AMPH: variants seen among roughly 807,000 people sequenced by gnomAD.
AMPH encodes the protein amphiphysin (Stiff-Mann syndrome with breast cancer 128kD autoantigen).
A neutral mutation model predicts 99.1 loss-of-function variants in AMPH; 49 were observed. The ratio of observed to expected loss-of-function variants is 0.49; its 90% CI spans 0.39 to 0.63. AMPH has a LOEUF of 0.63. Ranked by LOEUF, AMPH falls within the 20% of genes least tolerant of loss-of-function variation. AMPH has a pLI of 0.00. For missense variants in AMPH, 759 were observed against 863.4 expected (o/e 0.88, Z 1.52); for synonymous variants, 314 against 317.3 (o/e 0.99, Z 0.11).
intron 5 of AMPH, among the ~76,000 whole-genome samples, chr7:38,479,339 A>C (rs143393699): frequency 7.2e-6 from 1 of 139,338 alleles, no homozygotes; most frequent in Non-Finnish European, 1.5e-5. Context: ...TCCACACCCA[A>C]TGAAAATATT....
chr7:38,533,696 A>G (rs1380492856), intron 2 of AMPH, among the ~76,000 whole-genome samples: 2 of 152,182 alleles, frequency 1.3e-5, no homozygotes, highest in African/African-American at 4.8e-5. Context: ...CTCTGTGGAC[A>G]CTGGTAACTC....
chr7:38,509,684 A>G (rs1047498104), intron 2 of AMPH, among the ~76,000 whole-genome samples: 3 of 152,184 alleles, frequency 2.0e-5, no homozygotes, highest in Non-Finnish European at 2.9e-5. Context: ...GACTTGACTT[A>G]TAAGGTGCAT....
chr7:38,391,803 T>C lies in AMPH; in HGVS notation c.1823A>G (p.Gln608Arg), dbSNP rs1340931972. ...PSAPAMGAAD[Q>R]LASAREASQE... is the part of the protein sequence containing the mutation. ...AGAGGCCTCCCTTGCAGATGCTAGC[T>C]GGTCAGCAGCCCCCATGGCTGGTGC... is the stretch of plus-strand genomic sequence containing the variant. Residue 608 changes from glutamine (Q) to arginine (R), a missense_variant, in exon 19 of 21, where the codon CAG (glutamine) becomes CGG (arginine). Physicochemically the swap from Gln to Arg is conservative, Grantham distance 43. Coordinates refer to ENST00000356264, the MANE Select transcript of AMPH (RefSeq NM_001635.4). 3.7e-6 allele frequency: 6 copies of C among 1,613,964 alleles called. No homozygotes were observed. The East Asian group carries it at 1.3e-4, about 36-fold the overall frequency.
intron 3 of AMPH, among the ~76,000 whole-genome samples, chr7:38,502,492 C>T (rs1789174998): frequency 1.3e-5 from 2 of 152,120 alleles, no homozygotes; most frequent in Admixed American, 1.3e-4. Flanking sequence ...AGCCCTGAGC[C>T]TGTCCCATTG....
intron 15 of AMPH, among the ~76,000 whole-genome samples, chr7:38,424,931 G>T (rs554125804): frequency 6.6e-6 from 1 of 152,278 alleles, no homozygotes; most frequent in African/African-American, 2.4e-5. Context: ...ACAGTTTCTT[G>T]AAGGCAACAC....
intron 6 of AMPH, among the ~76,000 whole-genome samples, chr7:38,475,647 T>C (rs1788052455): frequency 6.6e-6 from 1 of 152,220 alleles, no homozygotes; most frequent in African/African-American, 2.4e-5. Flanking sequence ...TTCTGGCTGA[T>C]TCATTTATTC....
intron 1 of AMPH, among the ~76,000 whole-genome samples, chr7:38,553,187 C>T (rs1001146071): frequency 6.6e-6 from 1 of 152,222 alleles, no homozygotes; most frequent in Non-Finnish European, 1.5e-5. Flanking sequence ...TTGCCTCTTC[C>T]GGCCTTGCAG....
intron 17 of AMPH, among the ~76,000 whole-genome samples, chr7:38,416,998 G>A (rs1416446138): frequency 2.6e-5 from 4 of 152,080 alleles, no homozygotes; most frequent in Non-Finnish European, 5.9e-5. Context: ...TGTTATTTTT[G>A]GTAATAGAGA....
In AMPH at chr7:38,414,751, G is replaced by T. The variant is rs114712847; in HGVS notation, c.1398+3074C>A. On this transcript the variant is annotated intron_variant, in intron 17 of 20. Transcript: ENST00000356264. The stretch of plus-strand genomic sequence containing the variant: ...TAAGATCTCAGCTCACTGCACCTCT[G>T]CCTTCTGGGTTCAAGTGATTCTCCT... Among the ~76,000 whole-genome samples the T allele has an allele frequency of 5.9e-3, 890 of 152,028 alleles. 11 individuals are homozygous for T. Among genetic ancestry groups the T allele is most frequent in the African/African-American group, 0.021 (853 of 41,448 alleles).
chr7:38,610,058 G>A (rs900226595), intron 1 of AMPH, among the ~76,000 whole-genome samples: 10 of 151,146 alleles, frequency 6.6e-5, no homozygotes, highest in Admixed American at 6.6e-4. Context: ...CCAACGTGGA[G>A]AAACCCCATC....
intron 1 of AMPH, among the ~76,000 whole-genome samples, chr7:38,590,169 A>G (rs1205956700): frequency 6.6e-6 from 1 of 152,180 alleles, no homozygotes; most frequent in Non-Finnish European, 1.5e-5. Context: ...TGAGTGTTAT[A>G]GCTCTATTAG....
intron 17 of AMPH, 106 bp downstream of exon 17, chr7:38,417,719 A>T: frequency 7.0e-7 from 1 of 1,432,278 alleles, no homozygotes; most frequent in Non-Finnish European, 9.5e-7. Flanking sequence ...GATATGGAGC[A>T]TGTTTGGCCC....
At chr7:38,520,917 C>T (rs1789932953) in intron 2 of AMPH, among the ~76,000 whole-genome samples, 1 of 152,172 alleles carries the variant, frequency 6.6e-6, no homozygotes, top group South Asian at 2.1e-4. Context: ...ATCAGAGCAT[C>T]TTAATTCAAA....
intron 1 of AMPH, among the ~76,000 whole-genome samples, chr7:38,580,832 T>C (rs867293018): frequency 1.3e-5 from 2 of 152,240 alleles, no homozygotes; most frequent in African/African-American, 4.8e-5. Flanking sequence ...TATAAGTCTG[T>C]ACTTTAACCT....
At chr7:38,444,999 A>ACACACACACACACACGG (rs1316566542) in intron 11 of AMPH, among the ~76,000 whole-genome samples, 19 of 84,086 alleles carry the variant, frequency 2.3e-4, no homozygotes, top group Admixed American at 2.0e-4. Context: ...ACATATATAT[A>ACACACACACACACACGG]TATATATATA....
chr7:38,404,077 G>A (rs1049657010), intron 17 of AMPH, among the ~76,000 whole-genome samples: 3 of 152,106 alleles, frequency 2.0e-5, no homozygotes, highest in African/African-American at 7.2e-5. Flanking sequence ...CACCAGAGAG[G>A]TCCTTTCACA....
intron 20 of AMPH, 132 bp downstream of exon 20, chr7:38,389,672 A>G (rs1562720234): frequency 1.4e-6 from 1 of 716,858 alleles, no homozygotes; most frequent in Non-Finnish European, 2.4e-6. Flanking sequence ...TGCTGTCACA[A>G]GCCCTTAAGC....
intron 1 of AMPH, among the ~76,000 whole-genome samples, chr7:38,603,863 G>C (rs1393122669): frequency 6.6e-6 from 1 of 152,176 alleles, no homozygotes; most frequent in African/African-American, 2.4e-5. Flanking sequence ...TTCAGACCGT[G>C]CTCTCATCCT....
chr7:38,508,506 A>G (rs1430057484), intron 2 of AMPH, among the ~76,000 whole-genome samples: 1 of 152,236 alleles, frequency 6.6e-6, no homozygotes, highest in East Asian at 1.9e-4. Context: ...AAAATTTTTC[A>G]TTAAGTTGCC....
Sources: gnomAD v4.1 joint callset for allele counts (sites outside exome capture counted in the v4.1 genomes callset) on GRCh38, gnomAD v4.1.1 for gene constraint, MANE v1.5 for transcripts, NCBI Gene and HGNC (gene_info 2026-07-23, HGNC 2026-07-21) for gene names.